Variants in LRP5 observed in about 807,000 individuals in gnomAD.
LRP5 encodes the protein low-density lipoprotein receptor-related protein 5.
Under a neutral mutation model 154.1 loss-of-function variants are expected in LRP5, and 62 were observed. That is an observed-to-expected ratio of 0.40 (90% confidence interval 0.33 to 0.50). LRP5 has a LOEUF of 0.50. Ranked by LOEUF, LRP5 falls within the 20% of genes least tolerant of loss-of-function variation. The pLI, the probability that LRP5 is intolerant of heterozygous loss-of-function variation, is 0.55. For synonymous variants in LRP5, 966 were observed against 1,011.5 expected (o/e 0.96, Z 0.85); for missense variants, 1,915 against 2,336.7 (o/e 0.82, Z 3.72).
At chr11:68,426,805 G>C (rs771904994) in intron 16 of LRP5, among the ~76,000 whole-genome samples, 1 of 152,220 alleles carries the variant, frequency 6.6e-6, no homozygotes, top group African/African-American at 2.4e-5. Flanking sequence ...AGGGTCTCAC[G>C]GGGCCAGAAT....
chr11:68,403,447 T>A (rs1392385815), intron 7 of LRP5, 36 bp from the exon 8 acceptor site: 2 of 1,595,168 alleles, frequency 1.3e-6, no homozygotes, highest in Non-Finnish European at 1.7e-6. Context: ...GGTGTGGCCC[T>A]GGCCCATCCA....
intron 7 of LRP5, among the ~76,000 whole-genome samples, chr11:68,400,052 T>C (rs1018731816): frequency 3.9e-5 from 6 of 152,076 alleles, no homozygotes; most frequent in South Asian, 2.1e-4. Context: ...TGAGCCACCA[T>C]AGGGGTCTCT....
intron 5 of LRP5, among the ~76,000 whole-genome samples, chr11:68,366,912 C>T (rs562818096): frequency 3.1e-4 from 40 of 128,846 alleles, no homozygotes; most frequent in South Asian, 2.1e-3. Context: ...GAACACTTGC[C>T]GGGTGCTGGC....
chr11:68,403,641 C>T lies in LRP5; in HGVS notation c.1743C>T (p.Ile581=), dbSNP rs1337281091. 1 of 1,614,208 alleles carries T rather than the reference C, an allele frequency of 6.2e-7. No individual in the cohort carries two copies. Among genetic ancestry groups the T allele is most frequent in the Admixed American group, 1.7e-5 (1 of 60,028 alleles). ...AGGTCAAGGCCAGCCGGGACGTCAT[C>T]ATTGACCAGCTGCCCGACCTGATGG... The part of the protein sequence containing the change: ...VHKVKASRDV[I]IDQLPDLMGL... The change falls in exon 8 of 23, where the codon ATC becomes ATT. Residue 581 remains isoleucine (I), a synonymous_variant. Transcript: ENST00000294304.
intron 7 of LRP5, among the ~76,000 whole-genome samples, chr11:68,401,892 C>A (rs142661482): frequency 1.2e-3 from 177 of 152,224 alleles, no homozygotes; most frequent in African/African-American, 4.1e-3. Flanking sequence ...AGGGTTTCAC[C>A]ATGTTGGCCA....
intron 8 of LRP5, 119 bp downstream of exon 8, chr11:68,403,818 G>C (rs1475897277): frequency 8.5e-7 from 1 of 1,177,584 alleles, no homozygotes; most frequent in Non-Finnish European, 1.2e-6. Flanking sequence ...GGGAAGGGCA[G>C]GACAGGAAAG....
intron 21 of LRP5, among the ~76,000 whole-genome samples, chr11:68,443,736 G>A (rs1173706366): frequency 6.7e-6 from 1 of 149,078 alleles, no homozygotes; most frequent in African/African-American, 2.5e-5. Context: ...TCAGCTCACT[G>A]TAACCTCCGC....
chr11:68,439,324 C>T (rs1475925510), intron 20 of LRP5, among the ~76,000 whole-genome samples: 1 of 152,228 alleles, frequency 6.6e-6, no homozygotes, highest in Non-Finnish European at 1.5e-5. Flanking sequence ...TCCTGTCCCA[C>T]TGTCACCCCA....
At chr11:68,412,039 C>G (rs2098659883) in intron 11 of LRP5, among the ~76,000 whole-genome samples, 1 of 152,164 alleles carries the variant, frequency 6.6e-6, no homozygotes, top group Non-Finnish European at 1.5e-5. Context: ...CGATCCCCAC[C>G]CAGCCCTGAA....
At chr11:68,316,479 C>A (rs2098593480) in intron 1 of LRP5, among the ~76,000 whole-genome samples, 2 of 152,142 alleles carry the variant, frequency 1.3e-5, no homozygotes, top group African/African-American at 4.8e-5. Flanking sequence ...ACCATGTTGG[C>A]CAGGCTGGTC....
chr11:68,298,791 T>A, the LRP5 span, among the ~76,000 whole-genome samples: 1 of 151,982 alleles, frequency 6.6e-6, no homozygotes, highest in Non-Finnish European at 1.5e-5. Context: ...GCCAGAGCCC[T>A]GAGACCCACA....
Position 68,372,895 on chromosome 11 carries a change from C to T in LRP5, c.1015+7193C>T, listed in dbSNP as rs141858152. Among the ~76,000 whole-genome samples, 937 of 151,842 alleles carry T rather than the reference C, an allele frequency of 6.2e-3. 14 individuals are homozygous for T. Among genetic ancestry groups the T allele is most frequent in the African/African-American group, 0.021 (850 of 41,362 alleles). Reference sequence around the variant, plus strand: ...GCGTGTGGCTCCCTTTCCTGTGGGGCGAAGGTCAGGAGGGGGGCAGGGCCT... The same window carrying T: ...GCGTGTGGCTCCCTTTCCTGTGGGGTGAAGGTCAGGAGGGGGGCAGGGCCT... On this transcript the variant is annotated intron_variant, in intron 5 of 22. Transcript: ENST00000294304.
At chr11:68,320,497 C>T (rs2098596136) in intron 1 of LRP5, among the ~76,000 whole-genome samples, 2 of 148,010 alleles carry the variant, frequency 1.4e-5, no homozygotes, top group South Asian at 4.3e-4. Flanking sequence ...GCTGTGTCCT[C>T]CAGGCTGGAG....
At position 68,353,434 on chromosome 11, in the gene LRP5, CGGAGAG is replaced by C. The variant is rs112676712; in HGVS notation, c.489-4196_489-4191del. Reference sequence around the variant, plus strand: ...TCTGTCCCTGTAGGCTCCATGTCTCCGGAGAGGGAGAGGGAGAGGGAGAGGATTCCA... The same window carrying C: ...TCTGTCCCTGTAGGCTCCATGTCTCCGGAGAGGGAGAGGGAGAGGATTCCA... On this transcript the variant is annotated intron_variant, in intron 2 of 22. Transcript: ENST00000294304. The surrounding 1 kb of genome is among the most constrained non-coding windows in gnomAD (Gnocchi z 4.5). Among the ~76,000 whole-genome samples, 3,832 of 152,222 alleles carry C rather than the reference CGGAGAG, an allele frequency of 0.025. 128 individuals are homozygous for C. Among genetic ancestry groups the C allele is most frequent in the African/African-American group, 0.078 (3,225 of 41,492 alleles).
At chr11:68,338,867 G>GT (rs11382677) in intron 1 of LRP5, among the ~76,000 whole-genome samples, 72,306 of 92,160 alleles carry the variant, frequency 0.78, 29,746 homozygotes, top group South Asian at 0.89. Flanking sequence ...CTTTTGTTTA[G>GT]TTTTTTTTTT....
At chr11:68,439,974 G>A (rs11574421) in intron 21 of LRP5, 58 bp downstream of exon 21, 46 of 1,451,546 alleles carry the variant, frequency 3.2e-5, no homozygotes, top group South Asian at 1.5e-4. Flanking sequence ...CCCTCCCACC[G>A]TCAGTGCTGG....
In LRP5 at chr11:68,397,140, C is replaced by A. The variant is rs369227286; in HGVS notation, c.1585-6343C>A. Among the ~76,000 whole-genome samples, 4 of 152,286 alleles carry A rather than the reference C, an allele frequency of 2.6e-5. No homozygotes were observed. In the East Asian group the frequency reaches 5.8e-4, roughly 22 times the overall value. On this transcript the variant is annotated intron_variant, in intron 7 of 22. Coordinates refer to ENST00000294304, the MANE Select transcript of LRP5 (RefSeq NM_002335.4). Reference sequence around the variant, plus strand: ...CTTCTCCTGTGAGCCTCCAGCATGTCCCCTCAGGACCAAGCCCTCACGTTC... The same window carrying A: ...CTTCTCCTGTGAGCCTCCAGCATGTACCCTCAGGACCAAGCCCTCACGTTC...
chr11:68,299,530 C>T, the LRP5 span, among the ~76,000 whole-genome samples: 18 of 140,992 alleles, frequency 1.3e-4, no homozygotes, highest in Middle Eastern at 3.8e-3. Context: ...TCAGTGTAGA[C>T]GGGGGTGTAG....
intron 15 of LRP5, 50 bp downstream of exon 15, chr11:68,425,342 C>T (rs763547233): frequency 1.3e-6 from 2 of 1,546,414 alleles, no homozygotes; most frequent in Non-Finnish European, 1.7e-6. Flanking sequence ...CCTTCATTGT[C>T]AGTAATGGCA....
Sources: allele counts gnomAD v4.1 joint callset (sites outside exome capture counted in the v4.1 genomes callset), GRCh38; gene constraint gnomAD v4.1.1; non-coding constraint Gnocchi (gnomAD v3.1); transcripts MANE v1.5; gene names NCBI Gene and HGNC (gene_info 2026-07-23, HGNC 2026-07-21).